The following MLLT10 variants were observed in gnomAD, a reference collection of about 807,000 sequenced individuals.
The protein encoded by MLLT10 is protein AF-10.
A neutral mutation model predicts 129.1 loss-of-function variants in MLLT10; 30 were observed. That is an observed-to-expected ratio of 0.23 (90% CI 0.17 to 0.32). The LOEUF (loss-of-function observed/expected upper bound fraction) is 0.32. MLLT10 is among the 10% of genes least tolerant of loss of function. MLLT10 has a pLI of 1.00. For synonymous variants in MLLT10, 490 were observed against 446.4 expected (o/e 1.10, Z -1.23); for missense variants, 1,119 against 1,268.3 (o/e 0.88, Z 1.79).
At chr10:21,597,056 C>T (rs1361746602) in intron 5 of MLLT10, among the ~76,000 whole-genome samples, 1 of 151,704 alleles carries the variant, frequency 6.6e-6, no homozygotes, top group Non-Finnish European at 1.5e-5. Context: ...TTTTTAAAAA[C>T]CTTGTTTTTC....
intron 9 of MLLT10, among the ~76,000 whole-genome samples, chr10:21,655,104 A>T (rs2049423262): frequency 1.3e-5 from 2 of 152,214 alleles, no homozygotes; most frequent in Admixed American, 6.5e-5. Context: ...TTATTTAATC[A>T]TATCAGAATC....
intron 13 of MLLT10, among the ~76,000 whole-genome samples, chr10:21,707,451 A>G (rs1385477655): frequency 3.9e-5 from 6 of 152,026 alleles, no homozygotes; most frequent in Non-Finnish European, 8.8e-5. Flanking sequence ...TCGGCCTCCC[A>G]AAGTGCTGGG....
At chr10:21,724,261 C>T (rs2057325471) in intron 14 of MLLT10, among the ~76,000 whole-genome samples, 1 of 152,178 alleles carries the variant, frequency 6.6e-6, no homozygotes, top group South Asian at 2.1e-4. Flanking sequence ...TAATAGAAAG[C>T]AAGGATGGTA....
At chr10:21,707,099 G>A (rs540418688) in intron 13 of MLLT10, among the ~76,000 whole-genome samples, 2 of 151,606 alleles carry the variant, frequency 1.3e-5, no homozygotes, top group South Asian at 4.2e-4. Flanking sequence ...TACCATCTCA[G>A]TAAGGGCACT....
chr10:21,536,192 C>T (rs964098673), intron 2 of MLLT10, among the ~76,000 whole-genome samples: 1 of 152,180 alleles, frequency 6.6e-6, no homozygotes, highest in Non-Finnish European at 1.5e-5. Flanking sequence ...CCTCTTGCCT[C>T]GGCCTCCCAA....
chr10:21,585,957 C>T (rs1424051084), intron 3 of MLLT10, among the ~76,000 whole-genome samples: 3 of 152,138 alleles, frequency 2.0e-5, no homozygotes, highest in Non-Finnish European at 2.9e-5. Context: ...GACGGGGTTT[C>T]TGCATGTTGG....
At chr10:21,621,851 T>G (rs925368297) in intron 8 of MLLT10, among the ~76,000 whole-genome samples, 2 of 152,246 alleles carry the variant, frequency 1.3e-5, no homozygotes, top group African/African-American at 4.8e-5. Context: ...TCTCTTTGTG[T>G]ATTTAAAAAT....
chr10:21,548,367 C>G (rs535609600), intron 3 of MLLT10, among the ~76,000 whole-genome samples: 10 of 150,236 alleles, frequency 6.7e-5, no homozygotes, highest in African/African-American at 2.4e-4. Context: ...TTCATATTTT[C>G]TATCTTATCT....
intron 8 of MLLT10, chr10:21,625,404 C>T (rs2046333515): frequency 6.2e-6 from 5 of 812,716 alleles, no homozygotes; most frequent in Admixed American, 1.9e-5. Context: ...TCCAATATTT[C>T]GTCTGTGCCC....
chr10:21,540,914 C>T (rs1406310573), intron 3 of MLLT10, among the ~76,000 whole-genome samples: 1 of 152,090 alleles, frequency 6.6e-6, no homozygotes, highest in Non-Finnish European at 1.5e-5. Flanking sequence ...AATCCTTGCA[C>T]TGTGGGAGGC....
chr10:21,602,015 A>G (rs1172226189), intron 5 of MLLT10, among the ~76,000 whole-genome samples: 1 of 152,206 alleles, frequency 6.6e-6, no homozygotes, highest in Non-Finnish European at 1.5e-5. Flanking sequence ...GACAGGTCAA[A>G]TTTGAGAAAT....
intron 9 of MLLT10, among the ~76,000 whole-genome samples, chr10:21,652,878 T>G (rs940616925): frequency 3.3e-5 from 5 of 152,146 alleles, no homozygotes; most frequent in African/African-American, 1.2e-4. Flanking sequence ...GTGATCAGAT[T>G]CTGAATACAT....
At chr10:21,700,311 A>C (rs2054789116) in intron 13 of MLLT10, among the ~76,000 whole-genome samples, 1 of 152,100 alleles carries the variant, frequency 6.6e-6, no homozygotes, top group South Asian at 2.1e-4. Context: ...GTAATCTGCA[A>C]AGTAATGAAT....
At chr10:21,726,902 A>C (rs1304421693) in intron 15 of MLLT10, among the ~76,000 whole-genome samples, 1 of 152,168 alleles carries the variant, frequency 6.6e-6, no homozygotes, top group Non-Finnish European at 1.5e-5. Flanking sequence ...ACTTGGTTAA[A>C]AAAATCCTGT....
intron 11 of MLLT10, among the ~76,000 whole-genome samples, chr10:21,680,201 CTTTTCTTT>C (rs1212955625): frequency 6.6e-6 from 1 of 151,762 alleles, no homozygotes; most frequent in African/African-American, 2.4e-5. Context: ...TTATCTTTCT[CTTTTCTTT>C]TTTTCTTTTC....
At chr10:21,543,808 C>A (rs951101581) in intron 3 of MLLT10, among the ~76,000 whole-genome samples, 1 of 152,112 alleles carries the variant, frequency 6.6e-6, no homozygotes, top group African/African-American at 2.4e-5. Flanking sequence ...AGGCAGGGTC[C>A]TTTGTAAGAA....
At chr10:21,728,623 C>T (rs1324977431) in intron 16 of MLLT10, among the ~76,000 whole-genome samples, 1 of 152,050 alleles carries the variant, frequency 6.6e-6, no homozygotes, top group East Asian at 1.9e-4. Context: ...TCCATGTTCT[C>T]TAATTTAGGA....
chr10:21,558,405 A>C (rs1274676862), intron 3 of MLLT10, among the ~76,000 whole-genome samples: 1 of 152,098 alleles, frequency 6.6e-6, no homozygotes. Flanking sequence ...AGCTATGATC[A>C]TGATCCTGCC....
intron 4 of MLLT10, among the ~76,000 whole-genome samples, chr10:21,589,826 T>C (rs1299474138): frequency 2.0e-5 from 3 of 152,250 alleles, no homozygotes; most frequent in African/African-American, 7.2e-5. Flanking sequence ...ACTGAAACTT[T>C]TCTGGGAAAA....
Sources: gnomAD v4.1 joint callset for allele counts (sites outside exome capture counted in the v4.1 genomes callset) on GRCh38, gnomAD v4.1.1 for gene constraint, MANE v1.5 for transcripts, NCBI Gene and HGNC (gene_info 2026-07-23, HGNC 2026-07-21) for gene names.